The following SLC6A13 variants were observed in gnomAD, a reference collection of about 807,000 sequenced individuals.
SLC6A13 encodes sodium- and chloride-dependent GABA transporter 2.
SLC6A13 carries 69 observed loss-of-function variants against 72.9 expected under a neutral mutation model. The observed-to-expected ratio is 0.95, with a 90% CI of 0.78 to 1.16. The LOEUF (loss-of-function observed/expected upper bound fraction) is 1.16, where lower values mean the gene tolerates loss of function less well. Ranked by LOEUF, SLC6A13 falls within the 50% of genes most tolerant of loss-of-function variation. SLC6A13 has a pLI of 0.00. For synonymous variants in SLC6A13, 303 were observed against 303.0 expected, an observed-to-expected ratio of 1.00 and a Z score of 0.00; for missense variants, 735 against 760.5, an observed-to-expected ratio of 0.97 and a Z score of 0.39.
At chr12:247,527 T>C (rs1011076123) in intron 2 of SLC6A13, among the ~76,000 whole-genome samples, 6 of 152,222 alleles carry the variant, frequency 3.9e-5, no homozygotes, top group African/African-American at 1.4e-4. Context: ...GTGAAATAAC[T>C]GTTTCTTAAG....
rs1942662866 is a variant in SLC6A13 at position 254,314 on chromosome 12, T to C, written c.202+5537A>G. Among the ~76,000 whole-genome samples, 1 of 152,258 alleles carries C rather than the reference T, an allele frequency of 6.6e-6. No individual in the cohort carries two copies. ...AAATACACAAGGAAGGGGTGGATTT[T>C]ACCTACTCCCACATTTTGCCCCAAT... On this transcript the variant is annotated intron_variant, in intron 2 of 14. Transcript: ENST00000343164. This position sits in a 1 kb window ranked among gnomAD's most constrained non-coding sequence, Gnocchi z 4.4.
intron 7 of SLC6A13, among the ~76,000 whole-genome samples, chr12:228,776 G>A (rs1941581539): frequency 6.6e-6 from 1 of 152,150 alleles, no homozygotes; most frequent in Non-Finnish European, 1.5e-5. Context: ...TCCATCAGCA[G>A]GCTGACCACC....
chr12:246,737 G>T (rs1942362736), intron 2 of SLC6A13, among the ~76,000 whole-genome samples: 1 of 152,172 alleles, frequency 6.6e-6, no homozygotes, highest in Admixed American at 6.5e-5. Flanking sequence ...GCTGGGCATG[G>T]TAGTTCATGC....
rs1287618714 is a variant in SLC6A13, at chr12:221,478, C to T, written c.1584G>A (p.Trp528Ter). The T allele has an allele frequency of 6.2e-7, 1 of 1,613,792 alleles. No homozygotes were observed. The highest frequency in any genetic ancestry group is 1.1e-5 in the South Asian group (1 of 91,050). Reference sequence around the variant, plus strand: ...GGAGCCAGCCCAGGGCATCGCCCCACCACGGGTACGTGTACTTCTTGTTGT... The same window carrying T: ...GGAGCCAGCCCAGGGCATCGCCCCATCACGGGTACGTGTACTTCTTGTTGT... ...LTYNKKYTYP[W>*]WGDALGWLLA... Residue 528 changes from tryptophan to a stop codon, truncating the protein, a stop_gained, in exon 14 of 15, where the codon TGG (tryptophan) becomes TGA (stop). Transcript: ENST00000343164. LOFTEE classifies it high-confidence loss of function.
chr12:248,743 A>G (rs1177561540), intron 2 of SLC6A13, among the ~76,000 whole-genome samples: 1 of 152,232 alleles, frequency 6.6e-6, no homozygotes, highest in Non-Finnish European at 1.5e-5. Context: ...GAAAATCAGT[A>G]TGGATATAAC....
At chr12:221,167 C>A in intron 14 of SLC6A13, 97 bp from the exon 15 acceptor site, 5 of 1,450,902 alleles carry the variant, frequency 3.4e-6, no homozygotes, top group Non-Finnish European at 4.6e-6. Flanking sequence ...CACACACAAA[C>A]CTGCCCTCCT....
intron 7 of SLC6A13, among the ~76,000 whole-genome samples, chr12:230,771 A>C (rs1941677370): frequency 6.6e-6 from 1 of 152,202 alleles, no homozygotes. Flanking sequence ...CTCCATCCGT[A>C]AGATGAGGCT....
intron 1 of SLC6A13, among the ~76,000 whole-genome samples, chr12:260,341 T>C (rs1942887222): frequency 6.6e-6 from 1 of 152,208 alleles, no homozygotes; most frequent in Non-Finnish European, 1.5e-5. Context: ...ATTGCAGACA[T>C]GGAGGAGTTC....
At chr12:237,032 T>A in intron 6 of SLC6A13, 126 bp downstream of exon 6, 1 of 1,057,172 alleles carries the variant, frequency 9.5e-7, no homozygotes. Flanking sequence ...GGGAGCCACA[T>A]CAAATCCTCG....
intron 2 of SLC6A13, among the ~76,000 whole-genome samples, chr12:252,326 G>C (rs1942582244): frequency 6.6e-6 from 1 of 152,208 alleles, no homozygotes; most frequent in Non-Finnish European, 1.5e-5. Flanking sequence ...ATTGCACTGG[G>C]ATGTGATGGC....
At position 250,979 on chromosome 12, in the gene SLC6A13, A is replaced by G. The variant is rs538018161; in HGVS notation, c.203-7166T>C. Among the ~76,000 whole-genome samples, 3 of 151,992 alleles carry G rather than the reference A, an allele frequency of 2.0e-5. No homozygotes were observed. In the South Asian group the frequency reaches 6.2e-4, roughly 32 times the overall value. On this transcript the variant is annotated intron_variant, in intron 2 of 14. Transcript: ENST00000343164. ...AGACCATCCTGGCCAACACGGTGAA[A>G]CCCTGTCTCTACTAAAAATACAAAA...
chr12:242,409 A>C (rs1452043934), intron 4 of SLC6A13, among the ~76,000 whole-genome samples: 2 of 152,228 alleles, frequency 1.3e-5, no homozygotes, highest in Non-Finnish European at 2.9e-5. Flanking sequence ...TTCTCATTGA[A>C]TATGTTAATT....
At chr12:224,307 G>A in intron 10 of SLC6A13, 94 bp downstream of exon 10, 1 of 1,341,764 alleles carries the variant, frequency 7.5e-7, no homozygotes, top group Middle Eastern at 1.8e-4. Context: ...GTCCCCAAAA[G>A]GGCATCCACT....
At position 224,381 on chromosome 12, in the gene SLC6A13, G is replaced by A; in HGVS notation, c.1173+20C>T. 6.3e-6 allele frequency: 10 copies of A among 1,590,278 alleles called. No individual in the cohort carries two copies. Among genetic ancestry groups the A allele is most frequent in the Non-Finnish European group, 8.6e-6 (10 of 1,158,262 alleles). On this transcript the variant is annotated intron_variant, in intron 10 of 14. Transcript: ENST00000343164. ...CCCCCCCACTCATCTCTCAGCCTCT[G>A]AGTGGCTGCCTCTTGATACCTGGCT...
intron 2 of SLC6A13, among the ~76,000 whole-genome samples, chr12:244,015 T>A (rs1304980156): frequency 6.6e-6 from 1 of 152,220 alleles, no homozygotes; most frequent in Non-Finnish European, 1.5e-5. Flanking sequence ...ACACAGCCTC[T>A]TGCCTTTTTT....
At position 246,370 on chromosome 12, in the gene SLC6A13, T is replaced by C. The variant is rs534578146; in HGVS notation, c.203-2557A>G. On this transcript the variant is annotated intron_variant, in intron 2 of 14. Transcript: ENST00000343164. ...TCCAGCAACCCATAAAGCAAAAATA[T>C]TACCAGGTCTGGTATTCAATCGAAA... Among the ~76,000 whole-genome samples the C allele has an allele frequency of 7.2e-5, 11 of 152,104 alleles. No homozygotes were observed. In the South Asian group the frequency reaches 2.3e-3, roughly 32 times the overall value.
chr12:241,451 G>A (rs1029824641), intron 4 of SLC6A13, among the ~76,000 whole-genome samples: 10 of 152,160 alleles, frequency 6.6e-5, no homozygotes, highest in South Asian at 2.1e-4. Context: ...AGCGTCCACC[G>A]TGCTCTCCAG....
At chr12:224,314 C>T in intron 10 of SLC6A13, 87 bp downstream of exon 10, 1 of 1,348,686 alleles carries the variant, frequency 7.4e-7, no homozygotes, top group Admixed American at 1.7e-5. Context: ...AAAGGGCATC[C>T]ACTTCTGACA....
At chr12:228,222 G>GA (rs1057107365) in intron 7 of SLC6A13, among the ~76,000 whole-genome samples, 5 of 152,030 alleles carry the variant, frequency 3.3e-5, no homozygotes, top group African/African-American at 9.7e-5. Flanking sequence ...CCTTGGGAGG[G>GA]AAAAAAATCA....
Sources: allele counts gnomAD v4.1 joint callset (sites outside exome capture counted in the v4.1 genomes callset), GRCh38; gene constraint gnomAD v4.1.1; non-coding constraint Gnocchi (gnomAD v3.1); transcripts MANE v1.5; gene names NCBI Gene and HGNC (gene_info 2026-07-23, HGNC 2026-07-21).